Variants in NPY4R observed in about 807,000 individuals in gnomAD.
NPY4R encodes neuropeptide Y receptor type 4.
Under a neutral mutation model 11.9 loss-of-function variants are expected in NPY4R, and 2 were observed. The observed-to-expected ratio is 0.17, with a 90% CI of 0.07 to 0.53. NPY4R has a LOEUF of 0.53. NPY4R is among the 20% of genes least tolerant of loss of function. NPY4R has a pLI of 0.94. For synonymous variants in NPY4R, 8 were observed against 121.7 expected, an observed-to-expected ratio of 0.07 and a Z score of 6.15; for missense variants, 26 against 280.2, an observed-to-expected ratio of 0.09 and a Z score of 6.48.
chr10:46,466,274 TTCTTTCTTTC>T (rs1841046322), upstream of NPY4R, among the ~76,000 whole-genome samples: 3 of 60,426 alleles, frequency 5.0e-5, no homozygotes, highest in African/African-American at 2.6e-4. Context: ...CTTTCTTTCT[TTCTTTCTTTC>T]TCTCTCTCTC....
upstream of NPY4R, among the ~76,000 whole-genome samples, chr10:46,468,208 A>T (rs1245828335): frequency 3.5e-5 from 4 of 115,810 alleles, no homozygotes; most frequent in Non-Finnish European, 6.9e-5. Flanking sequence ...AGGGGTAGGT[A>T]GCTCTTCCTA....
rs1397856327 is a variant in NPY4R at position 46,463,717 on chromosome 10, CATT to C, written c.-60+10_-60+12del. On this transcript the variant is annotated intron_variant, in intron 2 of 2. Transcript: ENST00000374312. ...GGAAGCACCATACCACTACATACAT[CATT>C]GTGACTCACCTCTCAGATTCTCTAG... The C allele has an allele frequency of 4.3e-5, 5 of 115,204 alleles. 1 individual carries two copies. Among genetic ancestry groups the C allele is most frequent in the Admixed American group, 2.7e-4 (3 of 11,210 alleles). The allele number at this position is 115,204 out of a possible 1,614,324, so 7.1% of individuals were successfully genotyped here.
chr10:46,466,179 CTCTCTTTCTT>C (rs1841015177), upstream of NPY4R, among the ~76,000 whole-genome samples: 8 of 20,660 alleles, frequency 3.9e-4, 1 homozygote, highest in Admixed American at 5.9e-4. Flanking sequence ...CGCTGTCTTT[CTCTCTTTCTT>C]TCTTTCTTTC....
At chr10:46,466,229 T>TTC (rs1439035242), upstream of NPY4R, among the ~76,000 whole-genome samples, 4 of 64,538 alleles carry the variant, frequency 6.2e-5, no homozygotes, top group South Asian at 4.2e-4. Flanking sequence ...CTTTCTTTCT[T>TTC]TCTTTCTTTC....
chr10:46,461,304 C>T lies in NPY4R; in HGVS notation c.*204G>A, dbSNP rs1554988580. On this transcript the variant is annotated 3_prime_UTR_variant, in exon 3 of 3. Coordinates refer to ENST00000374312, the MANE Select transcript of NPY4R (RefSeq NM_005972.6). ...CTTACTGTGACCTCTGGAATCTGTG[C>T]TCAGAATTCTCCCAGGAACAAACAG... is the stretch of plus-strand genomic sequence containing the variant. 4.2e-5 allele frequency: 3 copies of T among 71,410 alleles called. No individual in the cohort carries two copies. The South Asian group carries it at 1.1e-3, about 26-fold the overall frequency. 4.4% of individuals were successfully genotyped at this position (71,410 alleles called of 1,614,324 possible).
chr10:46,466,190 TC>T (rs1185244380), upstream of NPY4R, among the ~76,000 whole-genome samples: 49 of 11,202 alleles, frequency 4.4e-3, no homozygotes, highest in African/African-American at 0.018. Context: ...TCTCTTTCTT[TC>T]TTTCTTTCTT....
chr10:46,466,258 TCTTTC>T (rs1344704603), upstream of NPY4R, among the ~76,000 whole-genome samples: 258 of 62,264 alleles, frequency 4.1e-3, 5 homozygotes, highest in Admixed American at 0.015. Context: ...TTTCTTTCTT[TCTTTC>T]CTTTCTTTCT....
At chr10:46,466,193 TTC>T (rs1759123221), upstream of NPY4R, among the ~76,000 whole-genome samples, 12 of 20,022 alleles carry the variant, frequency 6.0e-4, 2 homozygotes, top group African/African-American at 2.9e-3. Context: ...CTTTCTTTCT[TTC>T]TTTCTTTCTT....
At chr10:46,466,251 C>CT (rs1304678813), upstream of NPY4R, among the ~76,000 whole-genome samples, 10 of 68,448 alleles carry the variant, frequency 1.5e-4, no homozygotes, top group African/African-American at 7.4e-4. Context: ...TTCTTTCTTT[C>CT]TTTCTTTCTT....
In NPY4R at chr10:46,465,898, GGGGC is replaced by G. The variant is rs1840999636; in HGVS notation, c.-440_-437del. On this transcript the variant is annotated 5_prime_UTR_variant, in exon 1 of 3. Coordinates refer to ENST00000374312, the MANE Select transcript of NPY4R (RefSeq NM_005972.6). ...CCTGTGCCCAGGGGGCACCAGGCGC[GGGGC>G]AGAGCCGCGCCTGCTTCACCTGCTC... The G allele has an allele frequency of 3.3e-5, 5 of 152,420 alleles. No individual in the cohort carries two copies. The allele number at this position is 152,420 out of a possible 1,614,324, so 9.4% of individuals were successfully genotyped here.
upstream of NPY4R, among the ~76,000 whole-genome samples, chr10:46,466,256 T>TCTCTCTCTCTCTCTCTCTCTC (rs1841039314): frequency 1.4e-5 from 1 of 70,620 alleles, no homozygotes; most frequent in Admixed American, 1.5e-4. Context: ...TCTTTCTTTC[T>TCTCTCTCTCTCTCTCTCTCTC]TTCTTTCCTT....
At position 46,462,170 on chromosome 10, in the gene NPY4R, C is replaced by G; in HGVS notation, c.466G>C (p.Ala156Pro). The G allele has an allele frequency of 1.3e-6, 1 of 772,452 alleles. No individual in the cohort carries two copies. Among genetic ancestry groups the G allele is most frequent in the Admixed American group, 2.2e-5 (1 of 45,038 alleles). The allele number at this position is 772,452 out of a possible 1,614,324, so 47.8% of individuals were successfully genotyped here. A position where few individuals can be genotyped will look rare whatever the true frequency, so the allele number is the denominator to read the frequency against. Residue 156 changes from alanine (A) to proline (P), a missense_variant, in exon 3 of 3, where the codon GCC (alanine) becomes CCC (proline). Physicochemically the swap from Ala to Pro is conservative, Grantham distance 27. Coordinates refer to ENST00000374312, the MANE Select transcript of NPY4R (RefSeq NM_005972.6). ...PTGWKPSISQ[A>P]YLGIVLIWVI... ...CAGATGAGCACAATCCCCAGGTAGG[C>G]CTGTGAGATGCTGGGCTTCCAGCCT...
chr10:46,466,201 TTC>T (rs1565142283), upstream of NPY4R, among the ~76,000 whole-genome samples: 3 of 18,716 alleles, frequency 1.6e-4, no homozygotes, highest in African/African-American at 3.9e-4. Context: ...CTTTCTTTCT[TTC>T]TTTCTTTCTT....
upstream of NPY4R, among the ~76,000 whole-genome samples, chr10:46,466,284 C>CTTTT (rs1468439122): frequency 1.2e-4 from 4 of 33,040 alleles, no homozygotes; most frequent in East Asian, 1.2e-3. Flanking sequence ...TTCTTTCTTT[C>CTTTT]TCTCTCTCTC....
chr10:46,466,259 CTTTCCTTTCTTTCTTTCTT>C (rs1315518842), upstream of NPY4R, among the ~76,000 whole-genome samples: 25 of 60,142 alleles, frequency 4.2e-4, 2 homozygotes, highest in African/African-American at 2.8e-3. Flanking sequence ...TTCTTTCTTT[CTTTCCTTTCTTTCTTTCTT>C]TCTTTCTCTC....
At chr10:46,466,239 C>CTT (rs1268130475), upstream of NPY4R, among the ~76,000 whole-genome samples, 1 of 69,370 alleles carries the variant, frequency 1.4e-5, no homozygotes, top group Non-Finnish European at 2.7e-5. Context: ...TTCTTTCTTT[C>CTT]TTTCTTTCTT....
At chr10:46,466,235 C>CT (rs1193196589), upstream of NPY4R, among the ~76,000 whole-genome samples, 23 of 69,240 alleles carry the variant, frequency 3.3e-4, 4 homozygotes, top group African/African-American at 1.9e-3. Flanking sequence ...TTCTTTCTTT[C>CT]TTTCTTTCTT....
At chr10:46,466,183 C>CTCTTTCT (rs1190917672), upstream of NPY4R, among the ~76,000 whole-genome samples, 1 of 93,836 alleles carries the variant, frequency 1.1e-5, no homozygotes, top group Non-Finnish European at 2.2e-5. Flanking sequence ...GTCTTTCTCT[C>CTCTTTCT]TTTCTTTCTT....
At chr10:46,466,270 TTCTTTCTTTCTTTCTCTCTC>T (rs1565142668), upstream of NPY4R, among the ~76,000 whole-genome samples, 10,321 of 81,038 alleles carry the variant, frequency 0.13, 1,621 homozygotes, top group African/African-American at 0.24. Context: ...TTTCCTTTCT[TTCTTTCTTTCTTTCTCTCTC>T]TCTCTCTCTC....
Sources: allele counts gnomAD v4.1 joint callset (sites outside exome capture counted in the v4.1 genomes callset), GRCh38; gene constraint gnomAD v4.1.1; transcripts MANE v1.5; gene names NCBI Gene and HGNC (gene_info 2026-07-23, HGNC 2026-07-21).